PKNOX1: variants seen among roughly 807,000 people sequenced by gnomAD.
The protein encoded by PKNOX1 is PBX/knotted 1 homeobox 1, also known as homeobox protein PKNOX1.
PKNOX1 carries 15 observed loss-of-function variants against 51.9 expected under a neutral mutation model. That is an observed-to-expected ratio of 0.29 (90% CI 0.19 to 0.45). PKNOX1 has a LOEUF of 0.45. PKNOX1 is among the 20% of genes least tolerant of loss of function. The pLI is 1.00. For missense variants in PKNOX1, 462 were observed against 547.5 expected, an observed-to-expected ratio of 0.84 and a Z score of 1.56; for synonymous variants, 219 against 211.1, an observed-to-expected ratio of 1.04 and a Z score of -0.32.
chr21:43,018,487 CACACACACACACACACA>C (rs1979610799), intron 7 of PKNOX1, among the ~76,000 whole-genome samples: 1 of 36,608 alleles, frequency 2.7e-5, no homozygotes, highest in African/African-American at 1.2e-4. Flanking sequence ...CACACACACA[CACACACACACACACACA>C]CACACACACA....
At chr21:42,998,040 G>A (rs1212419463) in intron 1 of PKNOX1, among the ~76,000 whole-genome samples, 2 of 152,142 alleles carry the variant, frequency 1.3e-5, no homozygotes, top group Non-Finnish European at 2.9e-5. Context: ...CACACCTTGT[G>A]TTGTCCATTT....
chr21:43,003,360 G>A (rs781580329), intron 1 of PKNOX1, among the ~76,000 whole-genome samples: 5 of 152,188 alleles, frequency 3.3e-5, no homozygotes, highest in Non-Finnish European at 5.9e-5. Context: ...TGCGGAAGTG[G>A]CATTTTGCGG....
At chr21:43,020,935 C>T (rs1979724294) in intron 7 of PKNOX1, among the ~76,000 whole-genome samples, 1 of 152,168 alleles carries the variant, frequency 6.6e-6, no homozygotes, top group East Asian at 1.9e-4. Context: ...GGGCGAGACC[C>T]TGCCTCTACA....
In PKNOX1 at chr21:43,007,533, T is replaced by G; in HGVS notation, c.94T>G (p.Cys32Gly). ...GTTAAAGACAGAACAAGATCCAAAC[T>G]GCTCTGAACCCGATGCAGAAGGAGT... ...TELKTEQDPN[C>G]SEPDAEGVSP... The change falls in exon 3 of 11, where the codon TGC becomes GGC. Residue 32 changes from cysteine (C) to glycine (G), a missense_variant. This residue lies in a region of PKNOX1 where 129 missense variants were observed against 133.4 expected (regional missense o/e 0.97). Transcript: ENST00000291547. 6.2e-7 allele frequency: 1 copy of G among 1,614,062 alleles called. No individual in the cohort carries two copies. The highest frequency in any genetic ancestry group is 1.1e-5 in the South Asian group (1 of 91,082).
intron 1 of PKNOX1, among the ~76,000 whole-genome samples, chr21:42,998,617 A>G (rs1978612434): frequency 6.6e-6 from 1 of 152,230 alleles, no homozygotes. Flanking sequence ...GGGTAAATAC[A>G]GCCATTTCAA....
chr21:43,025,354 CTG>C (rs1323975987), intron 9 of PKNOX1, among the ~76,000 whole-genome samples: 2 of 152,210 alleles, frequency 1.3e-5, no homozygotes, highest in Non-Finnish European at 2.9e-5. Flanking sequence ...TCATACAAAA[CTG>C]TGATGTGTTG....
At chr21:43,029,384 T>C (rs1057346093) in intron 10 of PKNOX1, among the ~76,000 whole-genome samples, 2 of 151,758 alleles carry the variant, frequency 1.3e-5, no homozygotes, top group Non-Finnish European at 2.9e-5. Context: ...TGGATGGTTT[T>C]GTGTGCATGT....
intron 1 of PKNOX1, among the ~76,000 whole-genome samples, chr21:42,975,096 G>C (rs2058986108): frequency 1.4e-5 from 2 of 144,378 alleles, no homozygotes; most frequent in South Asian, 4.2e-4. Context: ...CGGGCGTGAG[G>C]GTCGGGGGCG....
chr21:43,030,032 G>C lies in PKNOX1; in HGVS notation c.1242G>C (p.Glu414Asp). ...SEDESVDSTE[E>D]DAGALAPAHI... ...ACGAGTCTGTGGACAGCACAGAGGAGGATGCGGGTGCCCTGGCCCCTGCCC... is the reference window on the plus strand; with the variant it reads ...ACGAGTCTGTGGACAGCACAGAGGACGATGCGGGTGCCCTGGCCCCTGCCC... The change falls in exon 11 of 11, where the codon GAG becomes GAC. Residue 414 changes from glutamate (E) to aspartate (D), a missense_variant. Physicochemically the swap from Glu to Asp is conservative, Grantham distance 45. Coordinates refer to ENST00000291547, the MANE Select transcript of PKNOX1 (RefSeq NM_004571.5). 6.2e-7 allele frequency: 1 copy of C among 1,613,888 alleles called. No individual in the cohort carries two copies.
chr21:43,029,782 G>A (rs2146299956), intron 10 of PKNOX1, 108 bp from the exon 11 acceptor site: 1 of 953,684 alleles, frequency 1.0e-6, no homozygotes. Flanking sequence ...ATATATAGGT[G>A]TTTTATTTTA....
At position 42,991,493 on chromosome 21, in the gene PKNOX1, G is replaced by A. The variant is rs114644419; in HGVS notation, c.-56-12833G>A. Among the ~76,000 whole-genome samples, 556 of 152,260 alleles carry A rather than the reference G, an allele frequency of 3.7e-3. 4 individuals carry two copies. Among genetic ancestry groups the A allele is most frequent in the African/African-American group, 0.013 (533 of 41,550 alleles). On this transcript the variant is annotated intron_variant, in intron 1 of 10. Coordinates refer to ENST00000291547, the MANE Select transcript of PKNOX1 (RefSeq NM_004571.5). The stretch of plus-strand genomic sequence containing the variant: ...TGTAGTCCCAGCACTTTGGGAGATC[G>A]AGGCAGTAGGATCATGAGGTCAGGA...
chr21:43,027,206 G>GA (rs1239293594), intron 9 of PKNOX1, among the ~76,000 whole-genome samples: 2 of 152,168 alleles, frequency 1.3e-5, no homozygotes, highest in African/African-American at 4.8e-5. Context: ...TCATGTTACT[G>GA]AAAAAAGAAG....
intron 8 of PKNOX1, 146 bp from the exon 9 acceptor site, chr21:43,024,725 T>G: frequency 6.5e-6 from 4 of 613,498 alleles, no homozygotes; most frequent in Non-Finnish European, 8.7e-6. Flanking sequence ...ACTTTGTTCG[T>G]GAGACTACAG....
chr21:43,028,172 A>G (rs1282459267), intron 9 of PKNOX1, among the ~76,000 whole-genome samples: 2 of 152,234 alleles, frequency 1.3e-5, no homozygotes, highest in Non-Finnish European at 2.9e-5. Flanking sequence ...CTCTTGCCTT[A>G]GATCGTGCTT....
intron 5 of PKNOX1, among the ~76,000 whole-genome samples, chr21:43,014,554 T>C (rs559753001): frequency 1.3e-5 from 2 of 152,326 alleles, no homozygotes; most frequent in South Asian, 4.1e-4. Context: ...ATTCTTTTGG[T>C]GTCAAGTCTA....
intron 3 of PKNOX1, among the ~76,000 whole-genome samples, chr21:43,008,577 A>T (rs62219496): frequency 0.013 from 2,023 of 152,298 alleles, 18 homozygotes; most frequent in Middle Eastern, 0.024. Context: ...CAGGAGTTCA[A>T]GACCAGACTG....
rs1979734966 is a variant in PKNOX1, at chr21:43,021,157, C to A, written c.721-146C>A. On this transcript the variant is annotated intron_variant, in intron 7 of 10. Coordinates refer to ENST00000291547, the MANE Select transcript of PKNOX1 (RefSeq NM_004571.5). The surrounding 1 kb of genome is among the most constrained non-coding windows in gnomAD (Gnocchi z 4.6). ...TGGAGGGAGCCGTGTCCTGAAACAT[C>A]AGTCCACACAGGGTTCCCGTGCATG... is the stretch of plus-strand genomic sequence containing the variant. The A allele has an allele frequency of 3.6e-6, 2 of 554,500 alleles. No individual in the cohort carries two copies. Among genetic ancestry groups the A allele is most frequent in the African/African-American group, 3.9e-5 (2 of 51,688 alleles). The allele number at this position is 554,500 out of a possible 1,614,324, so 34.3% of individuals were successfully genotyped here. A position where few individuals can be genotyped will look rare whatever the true frequency, so the allele number is the denominator to read the frequency against.
At chr21:42,995,864 T>C (rs552017883) in intron 1 of PKNOX1, among the ~76,000 whole-genome samples, 82 of 152,282 alleles carry the variant, frequency 5.4e-4, no homozygotes, top group Non-Finnish European at 9.1e-4. Context: ...TAGAGAACTC[T>C]TGTATTTTAG....
rs34637573 is a variant in PKNOX1 at position 42,996,891 on chromosome 21, A to ATT, written c.-56-7423_-56-7422dup. ...CTAATTTAGCTAGTTTTTGTATTTG[A>ATT]TTTTTTTTTTTTTAATAGAGTCTCT... On this transcript the variant is annotated intron_variant, in intron 1 of 10. Transcript: ENST00000291547. Among the ~76,000 whole-genome samples the ATT allele has an allele frequency of 5.9e-3, 851 of 145,282 alleles. 7 individuals carry two copies. Among genetic ancestry groups the ATT allele is most frequent in the African/African-American group, 0.016 (630 of 39,428 alleles).
Sources: gnomAD v4.1 joint callset for allele counts (sites outside exome capture counted in the v4.1 genomes callset) on GRCh38, gnomAD v4.1.1 for gene constraint, gnomAD v4.1.1 regional missense constraint, Gnocchi (gnomAD v3.1) non-coding constraint, MANE v1.5 for transcripts, NCBI Gene and HGNC (gene_info 2026-07-23, HGNC 2026-07-21) for gene names.